Variants in DYRK1A observed in about 807,000 individuals in gnomAD.
DYRK1A encodes dual specificity tyrosine phosphorylation regulated kinase 1A.
DYRK1A carries 9 observed loss-of-function variants against 79.7 expected under a neutral mutation model. That is an observed-to-expected ratio of 0.11 (90% CI 0.07 to 0.20). DYRK1A has a LOEUF of 0.20. Ranked by LOEUF, DYRK1A falls within the 10% of genes least tolerant of loss-of-function variation. The probability of loss-of-function intolerance (pLI) is 1.00; values close to 1 mark genes in which losing one functional copy is unlikely to be tolerated. For synonymous variants in DYRK1A, 349 were observed against 329.7 expected (o/e 1.06, Z -0.63); for missense variants, 622 against 956.0 (o/e 0.65, Z 4.61).
chr21:37,475,280 T>C (rs1024848035), intron 3 of DYRK1A, among the ~76,000 whole-genome samples: 1 of 152,202 alleles, frequency 6.6e-6, no homozygotes, highest in Non-Finnish European at 1.5e-5. Context: ...CTTGGTGAGC[T>C]CCTGGGTCCT....
chr21:37,466,704 T>A (rs141586093), intron 2 of DYRK1A, among the ~76,000 whole-genome samples: 107 of 152,294 alleles, frequency 7.0e-4, no homozygotes, highest in African/African-American at 2.5e-3. Flanking sequence ...CAGGAAGGCA[T>A]AACAACCCTG....
At chr21:37,451,873 G>C (rs1411426680) in intron 2 of DYRK1A, among the ~76,000 whole-genome samples, 1 of 152,184 alleles carries the variant, frequency 6.6e-6, no homozygotes, top group Non-Finnish European at 1.5e-5. Flanking sequence ...TTGATCCTGG[G>C]TCTTGAAGTT....
intron 2 of DYRK1A, among the ~76,000 whole-genome samples, chr21:37,467,932 C>A (rs2052086784): frequency 6.6e-6 from 1 of 152,058 alleles, no homozygotes. Flanking sequence ...TGCTCACTAG[C>A]CACATGTGGC....
chr21:37,416,386 T>G (rs1359704903), intron 1 of DYRK1A, among the ~76,000 whole-genome samples: 1 of 145,658 alleles, frequency 6.9e-6, no homozygotes, highest in Non-Finnish European at 1.5e-5. Flanking sequence ...ATAAATGTTC[T>G]GGGTTTTTAG....
intron 1 of DYRK1A, among the ~76,000 whole-genome samples, chr21:37,388,454 G>C (rs577074565): frequency 2.6e-5 from 4 of 152,114 alleles, no homozygotes; most frequent in Admixed American, 1.3e-4. Flanking sequence ...ATGTGTATCT[G>C]TAAAAGATAA....
At chr21:37,411,534 A>G (rs1228714529) in intron 1 of DYRK1A, among the ~76,000 whole-genome samples, 1 of 152,186 alleles carries the variant, frequency 6.6e-6, no homozygotes, top group African/African-American at 2.4e-5. Flanking sequence ...TTGTATATTC[A>G]GTTTAGTGAG....
chr21:37,393,055 A>T (rs1161055947), intron 1 of DYRK1A, among the ~76,000 whole-genome samples: 1 of 152,246 alleles, frequency 6.6e-6, no homozygotes, highest in Non-Finnish European at 1.5e-5. Context: ...CTCATCTCCC[A>T]GCACTGTTAT....
At chr21:37,504,388 C>G (rs1285017777) in intron 9 of DYRK1A, 1 of 152,242 alleles carries the variant, frequency 6.6e-6, no homozygotes, top group Non-Finnish European at 1.5e-5. Context: ...CTTACTTGCG[C>G]CTTCTCCCAC....
intron 2 of DYRK1A, among the ~76,000 whole-genome samples, chr21:37,457,030 T>G (rs1442866539): frequency 1.4e-5 from 1 of 70,860 alleles, no homozygotes; most frequent in African/African-American, 6.0e-5. Flanking sequence ...ACTTACTTAC[T>G]TACTTACTTA....
intron 2 of DYRK1A, chr21:37,428,835 A>C (rs1344886904): frequency 6.6e-6 from 1 of 152,084 alleles, no homozygotes; most frequent in African/African-American, 2.4e-5. Flanking sequence ...GTGAAATTTA[A>C]GATTTTACTT....
At chr21:37,480,390 C>G (rs2052593920) in intron 4 of DYRK1A, among the ~76,000 whole-genome samples, 1 of 152,134 alleles carries the variant, frequency 6.6e-6, no homozygotes, top group Admixed American at 6.5e-5. Flanking sequence ...TAAATATAAA[C>G]CAGGTCCTTT....
chr21:37,499,426 T>G (rs1040292695), intron 9 of DYRK1A, among the ~76,000 whole-genome samples: 2 of 152,204 alleles, frequency 1.3e-5, no homozygotes, highest in African/African-American at 4.8e-5. Flanking sequence ...TTTTCACATA[T>G]GGATTTTTAG....
intron 1 of DYRK1A, among the ~76,000 whole-genome samples, chr21:37,381,568 A>G (rs921982830): frequency 6.6e-5 from 10 of 152,196 alleles, no homozygotes; most frequent in Non-Finnish European, 1.2e-4. Flanking sequence ...GACACAGTGA[A>G]GTTCATTCAG....
intron 2 of DYRK1A, among the ~76,000 whole-genome samples, chr21:37,431,672 G>A (rs546835894): frequency 3.3e-4 from 51 of 152,266 alleles, no homozygotes; most frequent in Non-Finnish European, 4.1e-4. Flanking sequence ...TGAAAGGGAA[G>A]TTTTCATAAT....
At chr21:37,372,275 C>T (rs2049446116) in intron 1 of DYRK1A, among the ~76,000 whole-genome samples, 1 of 128,388 alleles carries the variant, frequency 7.8e-6, no homozygotes, top group African/African-American at 3.2e-5. Context: ...GAAACCCTGT[C>T]TCAAAAAACA....
At chr21:37,391,866 A>G (rs565488950) in intron 1 of DYRK1A, among the ~76,000 whole-genome samples, 2 of 152,324 alleles carry the variant, frequency 1.3e-5, no homozygotes, top group African/African-American at 4.8e-5. Context: ...CGTTTTCTAT[A>G]TGGCACAGAG....
intron 2 of DYRK1A, among the ~76,000 whole-genome samples, chr21:37,441,992 T>A (rs1601099585): frequency 6.7e-6 from 1 of 150,070 alleles, no homozygotes; most frequent in Non-Finnish European, 1.5e-5. Context: ...ATATTTTCAG[T>A]GGGTATGGAA....
Position 37,513,922 on chromosome 21 carries a change from A to G in DYRK1A, c.*1391A>G, listed in dbSNP as rs889211690. ...CTAGACCATTTTTAAATGTCAGTTG[A>G]AAATTATGGCTGTACTATTGCTTAA... On this transcript the variant is annotated 3_prime_UTR_variant, in exon 12 of 12. Coordinates refer to ENST00000647188, the MANE Select transcript of DYRK1A (RefSeq NM_001347721.2). 6.6e-6 allele frequency: 1 copy of G among 152,652 alleles called. No individual in the cohort carries two copies. Among genetic ancestry groups the G allele is most frequent in the Admixed American group, 6.5e-5 (1 of 15,280 alleles). 9.5% of individuals were successfully genotyped at this position (152,652 alleles called of 1,614,324 possible).
At chr21:37,425,043 A>C (rs1255963400) in intron 2 of DYRK1A, among the ~76,000 whole-genome samples, 1 of 152,234 alleles carries the variant, frequency 6.6e-6, no homozygotes, top group Non-Finnish European at 1.5e-5. Context: ...TAAAGTAAAA[A>C]GAGACAGCCA....
Sources: allele counts gnomAD v4.1 joint callset (sites outside exome capture counted in the v4.1 genomes callset), GRCh38; gene constraint gnomAD v4.1.1; transcripts MANE v1.5; gene names NCBI Gene and HGNC (gene_info 2026-07-23, HGNC 2026-07-21).